The following IL1RAPL2 variants were observed in gnomAD, a reference collection of about 807,000 sequenced individuals.
The protein encoded by IL1RAPL2 is interleukin 1 receptor accessory protein like 2.
Under a neutral mutation model 44.1 loss-of-function variants are expected in IL1RAPL2, and 3 were observed. The ratio of observed to expected loss-of-function variants is 0.07; its 90% CI spans 0.03 to 0.18. IL1RAPL2 has a LOEUF of 0.18. Among genes scored for constraint, IL1RAPL2 ranks in the 10% least tolerant of loss-of-function variants. The probability of loss-of-function intolerance (pLI) is 1.00; values close to 1 mark genes in which losing one functional copy is unlikely to be tolerated. For synonymous variants in IL1RAPL2, 181 were observed against 178.8 expected (o/e 1.01, Z -0.10); for missense variants, 391 against 496.4 (o/e 0.79, Z 2.02).
intron 6 of IL1RAPL2, among the ~76,000 whole-genome samples, chrX:105,588,115 T>C (rs1341408851): frequency 9.0e-6 from 1 of 111,537 alleles, no homozygotes; most frequent in African/African-American, 3.2e-5. Flanking sequence ...ATTTTATATC[T>C]TATTTATTAT....
chrX:105,041,668 T>C (rs1056800840), intron 2 of IL1RAPL2, among the ~76,000 whole-genome samples: 15 of 108,814 alleles, frequency 1.4e-4, no homozygotes, highest in African/African-American at 4.7e-4. Context: ...AATTTATAGA[T>C]TCAATGCCAT....
intron 6 of IL1RAPL2, among the ~76,000 whole-genome samples, chrX:105,514,046 T>C (rs1470979604): frequency 4.5e-5 from 5 of 111,541 alleles, no homozygotes; most frequent in Non-Finnish European, 9.4e-5. Context: ...AGGCTTGTGT[T>C]CACTAAGTAC....
chrX:104,738,582 G>A (rs1304471816), intron 2 of IL1RAPL2, among the ~76,000 whole-genome samples: 5 of 111,579 alleles, frequency 4.5e-5, no homozygotes, highest in Non-Finnish European at 9.4e-5. Context: ...AGCTAAGTGG[G>A]TGGGTATAGT....
chrX:105,741,041 GATTTT>G (rs201356546), intron 8 of IL1RAPL2, among the ~76,000 whole-genome samples: 1,703 of 111,613 alleles, frequency 0.015, 34 homozygotes, highest in African/African-American at 0.052. Flanking sequence ...AAATGCAAGA[GATTTT>G]ATTATTGGAT....
At chrX:105,120,241 C>T (rs2032909647) in intron 2 of IL1RAPL2, among the ~76,000 whole-genome samples, 1 of 106,697 alleles carries the variant, frequency 9.4e-6, no homozygotes. Context: ...TATATTTAGT[C>T]CCTCCAATAT....
At chrX:104,971,768 C>T (rs765304812) in intron 2 of IL1RAPL2, among the ~76,000 whole-genome samples, 2 of 110,963 alleles carry the variant, frequency 1.8e-5, no homozygotes, top group Non-Finnish European at 3.8e-5. Context: ...CTATTGTTGC[C>T]CTGATTCCTG....
chrX:104,967,029 C>T (rs1326837223), intron 2 of IL1RAPL2, among the ~76,000 whole-genome samples: 3 of 112,176 alleles, frequency 2.7e-5, no homozygotes, highest in African/African-American at 9.6e-5. Flanking sequence ...TTTGCCAATG[C>T]CTAATATCCA....
At chrX:105,681,325 C>T in intron 6 of IL1RAPL2, among the ~76,000 whole-genome samples, 1 of 111,651 alleles carries the variant, frequency 9.0e-6, no homozygotes, top group South Asian at 3.8e-4. Flanking sequence ...TAGTTTCCTT[C>T]AGTTCGAAGT....
chrX:105,453,467 G>C (rs2036033324), intron 5 of IL1RAPL2, among the ~76,000 whole-genome samples: 1 of 111,929 alleles, frequency 8.9e-6, no homozygotes, highest in Non-Finnish European at 1.9e-5. Flanking sequence ...CAAACCACTT[G>C]TTCAGTCCCA....
At chrX:105,302,696 C>G (rs1176301552) in intron 5 of IL1RAPL2, among the ~76,000 whole-genome samples, 1 of 111,910 alleles carries the variant, frequency 8.9e-6, no homozygotes, top group Non-Finnish European at 1.9e-5. Context: ...GCAAGCTATG[C>G]TGTCTGGGTT....
chrX:104,915,592 T>A (rs1229861999), intron 2 of IL1RAPL2, among the ~76,000 whole-genome samples: 6 of 109,772 alleles, frequency 5.5e-5, no homozygotes, highest in Non-Finnish European at 1.1e-4. Flanking sequence ...ATTTGTCAAT[T>A]TTGGCTTTTG....
chrX:104,916,086 T>A (rs1406642060), intron 2 of IL1RAPL2, among the ~76,000 whole-genome samples: 1 of 111,861 alleles, frequency 8.9e-6, no homozygotes, highest in Non-Finnish European at 1.9e-5. Context: ...TTTAAAGTAG[T>A]TTTTTCCAAT....
chrX:105,695,746 C>T (rs1294616916), intron 6 of IL1RAPL2, among the ~76,000 whole-genome samples: 1 of 111,637 alleles, frequency 9.0e-6, no homozygotes, highest in Non-Finnish European at 1.9e-5. Flanking sequence ...ATAGATACTA[C>T]TACCTTCACA....
intron 6 of IL1RAPL2, among the ~76,000 whole-genome samples, chrX:105,517,789 A>G (rs985161568): frequency 8.9e-6 from 1 of 111,865 alleles, no homozygotes; most frequent in African/African-American, 3.2e-5. Context: ...AGAGATAACA[A>G]CTGAAACCTT....
intron 6 of IL1RAPL2, among the ~76,000 whole-genome samples, chrX:105,660,548 T>TA (rs1299762147): frequency 9.1e-6 from 1 of 110,414 alleles, no homozygotes; most frequent in Non-Finnish European, 1.9e-5. Context: ...GATGAAGAAA[T>TA]AAAAAAATAA....
intron 2 of IL1RAPL2, among the ~76,000 whole-genome samples, chrX:104,673,422 A>C (rs1489346181): frequency 1.8e-5 from 2 of 110,587 alleles, no homozygotes; most frequent in African/African-American, 6.6e-5. Flanking sequence ...ATGCGGCGTT[A>C]TTTCTGAGGG....
chrX:105,703,747 T>C (rs1490311156), intron 6 of IL1RAPL2, among the ~76,000 whole-genome samples: 1 of 112,229 alleles, frequency 8.9e-6, no homozygotes, highest in Non-Finnish European at 1.9e-5. Flanking sequence ...CTTCTCCATA[T>C]GTCTTTTGAA....
chrX:104,685,357 T>C (rs1049042807), intron 2 of IL1RAPL2, among the ~76,000 whole-genome samples: 3 of 112,159 alleles, frequency 2.7e-5, no homozygotes, highest in African/African-American at 9.7e-5. Flanking sequence ...TTTATCTATT[T>C]GCACCTGCTC....
chrX:105,636,610 T>C (rs2021829), intron 6 of IL1RAPL2, among the ~76,000 whole-genome samples: 2,523 of 111,327 alleles, frequency 0.023, 80 homozygotes, highest in African/African-American at 0.079. Flanking sequence ...GTCAGCTATA[T>C]GCCAGGTTCT....
Sources: allele counts gnomAD v4.1 joint callset (sites outside exome capture counted in the v4.1 genomes callset), GRCh38; gene constraint gnomAD v4.1.1; transcripts MANE v1.5; gene names NCBI Gene and HGNC (gene_info 2026-07-23, HGNC 2026-07-21).